The following MACROD2 variants were observed in gnomAD, a reference collection of about 807,000 sequenced individuals.
MACROD2 encodes the protein mono-ADP ribosylhydrolase 2.
In MACROD2, 36 loss-of-function variants were observed where a neutral mutation model predicts 70.4. The observed-to-expected ratio is 0.51, with a 90% CI of 0.39 to 0.68. The LOEUF is 0.68. Among genes scored for constraint, MACROD2 ranks in the 30% least tolerant of loss-of-function variants. MACROD2 has a pLI of 0.00. For missense variants in MACROD2, 496 were observed against 538.4 expected (o/e 0.92, Z 0.78); for synonymous variants, 172 against 178.8 (o/e 0.96, Z 0.30).
chr20:14,815,111 C>A (rs1252409499), intron 5 of MACROD2, among the ~76,000 whole-genome samples: 1 of 151,936 alleles, frequency 6.6e-6, no homozygotes, highest in Non-Finnish European at 1.5e-5. Context: ...CTTTATGACT[C>A]CTACAGTCCC....
chr20:15,438,887 T>G (rs2046460481), intron 7 of MACROD2, among the ~76,000 whole-genome samples: 1 of 152,214 alleles, frequency 6.6e-6, no homozygotes, highest in South Asian at 2.1e-4. Context: ...AATTCTTGAT[T>G]GGCAAAATAA....
chr20:14,305,553 G>C (rs6042663), intron 3 of MACROD2, among the ~76,000 whole-genome samples: 1,794 of 152,106 alleles, frequency 0.012, 36 homozygotes, highest in African/African-American at 0.041. Context: ...TTTCTTGATT[G>C]GTTTAGTTCA....
intron 2 of MACROD2, among the ~76,000 whole-genome samples, chr20:14,024,169 A>C (rs1403542033): frequency 6.6e-6 from 1 of 152,156 alleles, no homozygotes; most frequent in East Asian, 1.9e-4. Flanking sequence ...GCAGTTGTGA[A>C]TGGAAGTTCA....
At chr20:14,509,264 A>G (rs563267274) in intron 4 of MACROD2, among the ~76,000 whole-genome samples, 1 of 152,182 alleles carries the variant, frequency 6.6e-6, no homozygotes, top group South Asian at 2.1e-4. Context: ...TATTCCATAC[A>G]TACATTTACA....
intron 3 of MACROD2, among the ~76,000 whole-genome samples, chr20:14,144,694 A>G (rs1402078156): frequency 6.6e-6 from 1 of 152,204 alleles, no homozygotes; most frequent in African/African-American, 2.4e-5. Flanking sequence ...TCTCCACACA[A>G]GAGGAAATTG....
intron 8 of MACROD2, among the ~76,000 whole-genome samples, chr20:15,520,294 T>C (rs1018441165): frequency 1.3e-5 from 2 of 152,220 alleles, no homozygotes; most frequent in East Asian, 1.9e-4. Flanking sequence ...ACCTGTCTTA[T>C]AATTTTGTGA....
intron 8 of MACROD2, among the ~76,000 whole-genome samples, chr20:15,713,987 G>A (rs1000677460): frequency 3.4e-5 from 4 of 117,786 alleles, no homozygotes; most frequent in East Asian, 5.0e-4. Flanking sequence ...ACACACATAT[G>A]CACACACACA....
At chr20:15,520,583 A>G (rs966604187) in intron 8 of MACROD2, among the ~76,000 whole-genome samples, 5 of 152,214 alleles carry the variant, frequency 3.3e-5, no homozygotes, top group African/African-American at 1.2e-4. Flanking sequence ...CCCTCTAGTA[A>G]CAAAGACCCC....
intron 8 of MACROD2, among the ~76,000 whole-genome samples, chr20:15,792,118 G>A (rs1051939685): frequency 1.3e-5 from 2 of 152,024 alleles, no homozygotes; most frequent in African/African-American, 4.8e-5. Context: ...AGGTAATACT[G>A]GCATTCAAAT....
intron 3 of MACROD2, among the ~76,000 whole-genome samples, chr20:14,465,838 CT>C (rs2084439461): frequency 6.6e-6 from 1 of 152,066 alleles, no homozygotes; most frequent in Admixed American, 6.6e-5. Flanking sequence ...AAATTCTTTT[CT>C]TTAAGAATGT....
intron 4 of MACROD2, among the ~76,000 whole-genome samples, chr20:14,538,205 A>G (rs1223485158): frequency 6.6e-6 from 1 of 152,220 alleles, no homozygotes; most frequent in African/African-American, 2.4e-5. Context: ...GGTGGAGCAT[A>G]TGACCTGAGT....
At chr20:15,743,271 C>G (rs150455488) in intron 8 of MACROD2, among the ~76,000 whole-genome samples, 1 of 152,182 alleles carries the variant, frequency 6.6e-6, no homozygotes, top group East Asian at 1.9e-4. Flanking sequence ...CCATGTGTAC[C>G]CCAATTACTC....
chr20:15,311,127 C>A (rs796572029), intron 6 of MACROD2, among the ~76,000 whole-genome samples: 2 of 151,746 alleles, frequency 1.3e-5, no homozygotes, highest in African/African-American at 2.4e-5. Flanking sequence ...TAAATAAAAT[C>A]TATATTTTAA....
At chr20:15,687,592 C>T (rs2050244529) in intron 8 of MACROD2, among the ~76,000 whole-genome samples, 1 of 152,096 alleles carries the variant, frequency 6.6e-6, no homozygotes, top group Non-Finnish European at 1.5e-5. Context: ...CAGATGAAGC[C>T]TCCTCAGGTT....
At chr20:15,098,795 A>G (rs2075851849) in intron 5 of MACROD2, among the ~76,000 whole-genome samples, 1 of 152,246 alleles carries the variant, frequency 6.6e-6, no homozygotes, top group Admixed American at 6.5e-5. Context: ...AACTGCAGGT[A>G]GATGTTTCCC....
chr20:16,046,537 A>T (rs1033858), intron 17 of MACROD2, among the ~76,000 whole-genome samples: 20,451 of 151,932 alleles, frequency 0.13, 1,497 homozygotes, highest in African/African-American at 0.18. Context: ...TCTTACAGAC[A>T]TTATTTCTTT....
intron 3 of MACROD2, among the ~76,000 whole-genome samples, chr20:14,375,457 A>AT (rs537804954): frequency 6.2e-4 from 94 of 152,154 alleles, no homozygotes; most frequent in Admixed American, 1.2e-3. Context: ...CAGCTGTAAG[A>AT]TTTTAAGCTT....
chr20:15,842,090 ACT>A (rs2064177271), intron 8 of MACROD2, among the ~76,000 whole-genome samples: 1 of 151,918 alleles, frequency 6.6e-6, no homozygotes. Flanking sequence ...CTGATGCAAG[ACT>A]CTATTCCTGG....
intron 8 of MACROD2, among the ~76,000 whole-genome samples, chr20:15,559,136 A>G (rs903357554): frequency 1.4e-5 from 2 of 146,276 alleles, no homozygotes; most frequent in Admixed American, 7.0e-5. Context: ...CTGAGGCAGG[A>G]GAATGGCGTG....
Sources: allele counts gnomAD v4.1 joint callset (sites outside exome capture counted in the v4.1 genomes callset), GRCh38; gene constraint gnomAD v4.1.1; transcripts MANE v1.5; gene names NCBI Gene and HGNC (gene_info 2026-07-23, HGNC 2026-07-21).